STOX1: variants seen among roughly 807,000 people sequenced by gnomAD.
The protein encoded by STOX1 is storkhead box 1, also known as storkhead-box protein 1.
STOX1 carries 57 observed loss-of-function variants against 74.8 expected under a neutral mutation model. That is an observed-to-expected ratio of 0.76 (90% CI 0.62 to 0.95). The LOEUF (loss-of-function observed/expected upper bound fraction) is 0.95, where lower values mean the gene tolerates loss of function less well. Among genes scored for constraint, STOX1 ranks in the 40% least tolerant of loss-of-function variants. The pLI is 0.00. For synonymous variants in STOX1, 375 were observed against 401.3 expected (o/e 0.93, Z 0.78); for missense variants, 1,010 against 1,117.0 (o/e 0.90, Z 1.37).
In STOX1 at chr10:68,885,801, C is replaced by G. The variant is rs1564588749; in HGVS notation, c.2005C>G (p.Leu669Val). Residue 669 changes from leucine (L) to valine (V), a missense_variant, in exon 3 of 4, where the codon CTT becomes GTT. By Grantham distance (32) the Leu-to-Val change is conservative. Coordinates refer to ENST00000298596, the MANE Select transcript of STOX1 (RefSeq NM_152709.5). The part of the protein sequence containing the change: ...VDNTIHQFQN[L>V]GLLDYPVGVN... ...TAACACAATACACCAGTTTCAAAATCTTGGCCTTTTGGATTACCCAGTTGG... is the reference window on the plus strand; with the variant it reads ...TAACACAATACACCAGTTTCAAAATGTTGGCCTTTTGGATTACCCAGTTGG... The G allele has an allele frequency of 1.9e-6, 3 of 1,614,094 alleles. No individual in the cohort carries two copies. Among genetic ancestry groups the G allele is most frequent in the Non-Finnish European group, 2.5e-6 (3 of 1,180,036 alleles).
intron 1 of STOX1, among the ~76,000 whole-genome samples, chr10:68,859,778 T>G (rs1399974161): frequency 1.3e-5 from 2 of 151,982 alleles, no homozygotes. Flanking sequence ...GTAGGTAGCC[T>G]GGGTGAGCTT....
At chr10:68,830,412 G>T (rs1258521083) in intron 1 of STOX1, among the ~76,000 whole-genome samples, 1 of 151,996 alleles carries the variant, frequency 6.6e-6, no homozygotes, top group African/African-American at 2.4e-5. Context: ...GTACAATCTT[G>T]GCTCACTGCA....
chr10:68,867,841 G>A (rs189565639), intron 1 of STOX1, among the ~76,000 whole-genome samples: 6 of 152,296 alleles, frequency 3.9e-5, no homozygotes, highest in South Asian at 2.1e-4. Context: ...TCCTCAGTTC[G>A]GAAACCAGGG....
At chr10:68,864,098 G>A (rs781387424) in intron 1 of STOX1, among the ~76,000 whole-genome samples, 1 of 151,840 alleles carries the variant, frequency 6.6e-6, no homozygotes, top group Non-Finnish European at 1.5e-5. Context: ...TAATTTTTTT[G>A]TATTTTTAGT....
intron 1 of STOX1, among the ~76,000 whole-genome samples, chr10:68,835,462 A>G (rs986286317): frequency 2.0e-5 from 3 of 152,148 alleles, no homozygotes; most frequent in Non-Finnish European, 2.9e-5. Flanking sequence ...AGCTGGGACT[A>G]CAGGCACCCA....
intron 1 of STOX1, among the ~76,000 whole-genome samples, chr10:68,880,164 C>CTTTTTTTTTTTTTTTTTTTTTTTTTTT: frequency 8.0e-6 from 1 of 124,432 alleles, no homozygotes; most frequent in Non-Finnish European, 1.7e-5. Context: ...TCTTTCTTTC[C>CTTTTTTTTTTTTTTTTTTTTTTTTTTT]TTTTTTTTTT....
intron 1 of STOX1, among the ~76,000 whole-genome samples, chr10:68,875,018 T>C (rs1055345299): frequency 1.1e-4 from 16 of 152,170 alleles, no homozygotes; most frequent in Middle Eastern, 3.2e-3. Context: ...GCTTTCTTTG[T>C]GTCTGGCTGG....
chr10:68,852,549 C>G lies in STOX1; in HGVS notation c.310+24616C>G, dbSNP rs190466848. ...CTGGGATTACAGGCATGAGCCACCG[C>G]GCCTGGCCCTCTTACTGCTTTTAAG... On this transcript the variant is annotated intron_variant, in intron 1 of 3. Transcript: ENST00000298596. Among the ~76,000 whole-genome samples, 418 of 151,732 alleles carry G rather than the reference C, an allele frequency of 2.8e-3. 7 individuals are homozygous for G. Among genetic ancestry groups the G allele is most frequent in the African/African-American group, 9.4e-3 (390 of 41,298 alleles).
At chr10:68,890,649 CTTTT>C (rs11366165) in intron 3 of STOX1, among the ~76,000 whole-genome samples, 1 of 117,376 alleles carries the variant, frequency 8.5e-6, no homozygotes, top group Non-Finnish European at 1.7e-5. Context: ...AAGACCTTTT[CTTTT>C]TTTTTTTTTT....
Position 68,885,415 on chromosome 10 carries a change from C to T in STOX1, c.1619C>T (p.Ser540Leu), listed in dbSNP as rs755487386. ...CAAAAGCCTAGGTCCTTGGATTCCTCAAGAATCTTTGATGGTAAAGCCAAA... is the reference window on the plus strand; with the variant it reads ...CAAAAGCCTAGGTCCTTGGATTCCTTAAGAATCTTTGATGGTAAAGCCAAA... ...PFQKPRSLDSSRIFDGKAKEP... is the reference protein window; with the variant it reads ...PFQKPRSLDSLRIFDGKAKEP... The change falls in exon 3 of 4, where the codon TCA becomes TTA. Residue 540 changes from serine to leucine, a missense_variant. Coordinates refer to ENST00000298596, the MANE Select transcript of STOX1 (RefSeq NM_152709.5). The T allele has an allele frequency of 6.2e-7, 1 of 1,614,134 alleles. No individual in the cohort carries two copies. The highest frequency in any genetic ancestry group is 1.1e-5 in the South Asian group (1 of 91,076).
chr10:68,876,807 G>C lies in STOX1; in HGVS notation c.311-5151G>C, dbSNP rs533786636. On this transcript the variant is annotated intron_variant, in intron 1 of 3. Transcript: ENST00000298596. ...TTCAGTTTACTCCCTCATAGTTGAGGACAGACCCAAAGGTCTGGCCTTCTC... is the reference window on the plus strand; with the variant it reads ...TTCAGTTTACTCCCTCATAGTTGAGCACAGACCCAAAGGTCTGGCCTTCTC... Among the ~76,000 whole-genome samples, 6 of 152,234 alleles carry C rather than the reference G, an allele frequency of 3.9e-5. No individual in the cohort carries two copies. In the East Asian group the frequency reaches 1.2e-3, roughly 29 times the overall value.
intron 2 of STOX1, among the ~76,000 whole-genome samples, chr10:68,883,758 C>CTTTT (rs71028801): frequency 2.3e-4 from 20 of 85,498 alleles, no homozygotes; most frequent in South Asian, 3.8e-4. Context: ...GCTTCTTTGG[C>CTTTT]TTTTTTTTTT....
intron 1 of STOX1, chr10:68,828,899 A>T: frequency 1.2e-6 from 1 of 852,486 alleles, no homozygotes; most frequent in East Asian, 1.2e-4. Context: ...AGACAACAGC[A>T]GCTTTTTGCC....
intron 1 of STOX1, among the ~76,000 whole-genome samples, chr10:68,859,937 C>G (rs969358119): frequency 6.6e-6 from 1 of 151,778 alleles, no homozygotes; most frequent in Non-Finnish European, 1.5e-5. Flanking sequence ...AAAATGGTTG[C>G]ATCCTCTGCA....
At chr10:68,854,818 T>G (rs959769141) in intron 1 of STOX1, among the ~76,000 whole-genome samples, 1 of 152,128 alleles carries the variant, frequency 6.6e-6, no homozygotes, top group African/African-American at 2.4e-5. Context: ...TTACAGTTGT[T>G]AGGGCTACCA....
At chr10:68,891,138 G>T (rs1317316436) in intron 3 of STOX1, among the ~76,000 whole-genome samples, 1 of 152,160 alleles carries the variant, frequency 6.6e-6, no homozygotes, top group Non-Finnish European at 1.5e-5. Flanking sequence ...ATTTCTTAAG[G>T]ATTGCTTATT....
At chr10:68,856,566 G>C (rs1318029662) in intron 1 of STOX1, among the ~76,000 whole-genome samples, 1 of 152,100 alleles carries the variant, frequency 6.6e-6, no homozygotes, top group Non-Finnish European at 1.5e-5. Flanking sequence ...CCCCTGTGTA[G>C]GGGACTAGTG....
Position 68,885,237 on chromosome 10 carries a change from A to G in STOX1, c.1441A>G (p.Thr481Ala), listed in dbSNP as rs773354275. Residue 481 changes from threonine to alanine, a missense_variant, in exon 3 of 4, where the codon ACA becomes GCA. Physicochemically the swap from Thr to Ala is moderately conservative, Grantham distance 58 (BLOSUM62 0). Coordinates refer to ENST00000298596, the MANE Select transcript of STOX1 (RefSeq NM_152709.5). ...TCAGAAACCACTTGGTGAGATTACA[A>G]CAGTGCTAGGTTCCCATTTGATTTA... is the stretch of plus-strand genomic sequence containing the variant. ...VGQKPLGEIT[T>A]VLGSHLIYKK... The G allele has an allele frequency of 1.9e-6, 3 of 1,614,236 alleles. No homozygotes were observed. The highest frequency in any genetic ancestry group is 2.5e-6 in the Non-Finnish European group (3 of 1,180,036).
At chr10:68,832,247 C>G (rs115331226) in intron 1 of STOX1, among the ~76,000 whole-genome samples, 1 of 152,054 alleles carries the variant, frequency 6.6e-6, no homozygotes, top group African/African-American at 2.4e-5. Context: ...ATACACCTAA[C>G]GGGACAGGAA....
Sources: gnomAD v4.1 joint callset for allele counts (sites outside exome capture counted in the v4.1 genomes callset) on GRCh38, gnomAD v4.1.1 for gene constraint, MANE v1.5 for transcripts, NCBI Gene and HGNC (gene_info 2026-07-23, HGNC 2026-07-21) for gene names.